The following CADM2 variants were observed in gnomAD, a reference collection of about 807,000 sequenced individuals.
The protein encoded by CADM2 is immunoglobulin superfamily member 4D.
Under a neutral mutation model 49.8 loss-of-function variants are expected in CADM2, and 12 were observed. The observed-to-expected ratio is 0.24, with a 90% CI of 0.15 to 0.39. CADM2 has a LOEUF of 0.39. Ranked by LOEUF, CADM2 falls within the 10% of genes least tolerant of loss-of-function variation. The pLI is 1.00. For missense variants in CADM2, 378 were observed against 492.3 expected, an observed-to-expected ratio of 0.77 and a Z score of 2.20; for synonymous variants, 214 against 175.4, an observed-to-expected ratio of 1.22 and a Z score of -1.74.
chr3:85,857,606 G>C (rs1465912624), intron 3 of CADM2, among the ~76,000 whole-genome samples: 2 of 152,086 alleles, frequency 1.3e-5, no homozygotes, highest in African/African-American at 2.4e-5. Context: ...GCCTCCCAAA[G>C]TGTTGGGTAA....
chr3:85,359,057 T>C (rs1370344005), intron 1 of CADM2, among the ~76,000 whole-genome samples: 1 of 152,148 alleles, frequency 6.6e-6, no homozygotes, highest in Non-Finnish European at 1.5e-5. Context: ...TCTTTCCACC[T>C]GGACATCTTC....
chr3:84,993,593 T>G (rs12632010), intron 1 of CADM2, among the ~76,000 whole-genome samples: 13,152 of 152,180 alleles, frequency 0.086, 757 homozygotes, highest in Admixed American at 0.19. Flanking sequence ...TCAAAAGGGT[T>G]TGTTTTTTCC....
chr3:85,519,532 A>G (rs374268094), intron 1 of CADM2, among the ~76,000 whole-genome samples: 14 of 152,240 alleles, frequency 9.2e-5, no homozygotes, highest in East Asian at 1.9e-4. Flanking sequence ...CTTACCCAAC[A>G]TATTCATTGT....
intron 8 of CADM2, among the ~76,000 whole-genome samples, chr3:86,042,214 T>G (rs376212343): frequency 6.5e-4 from 98 of 151,554 alleles, no homozygotes; most frequent in South Asian, 1.9e-3. Context: ...CAGAAGGCAA[T>G]AAATAACTAA....
rs4053296 is a variant in CADM2 at position 85,444,443 on chromosome 3, TCA to T, written c.62-282055_62-282054del. Among the ~76,000 whole-genome samples the T allele has an allele frequency of 1.9e-3, 277 of 147,898 alleles. 3 individuals carry two copies. Among genetic ancestry groups the T allele is most frequent in the East Asian group, 8.0e-4 (4 of 5,002 alleles). ...TGGCTTCTTGTCTTTTCCTACACAC[TCA>T]CACACACACACACACACACACACCC... On this transcript the variant is annotated intron_variant, in intron 1 of 9. Transcript: ENST00000383699.
intron 1 of CADM2, among the ~76,000 whole-genome samples, chr3:85,037,836 T>C (rs2107351336): frequency 6.6e-6 from 1 of 152,344 alleles, no homozygotes; most frequent in South Asian, 2.1e-4. Context: ...TCTTTCTTTT[T>C]AATTTCTGTG....
chr3:85,070,239 G>A (rs1476764757), intron 1 of CADM2, among the ~76,000 whole-genome samples: 1 of 151,970 alleles, frequency 6.6e-6, no homozygotes, highest in African/African-American at 2.4e-5. Context: ...GATTATGTGG[G>A]CTAAAATTAT....
intron 8 of CADM2, among the ~76,000 whole-genome samples, chr3:86,042,995 T>A (rs1259978640): frequency 6.6e-6 from 1 of 152,126 alleles, no homozygotes; most frequent in African/African-American, 2.4e-5. Flanking sequence ...ATTACCTCAA[T>A]AGATGCAGAA....
chr3:85,791,080 T>C (rs1264908040), intron 2 of CADM2, among the ~76,000 whole-genome samples: 3 of 152,212 alleles, frequency 2.0e-5, no homozygotes, highest in African/African-American at 7.2e-5. Flanking sequence ...TAAAATGATT[T>C]TTAAAAATGA....
At chr3:85,838,920 T>C (rs950344231) in intron 3 of CADM2, among the ~76,000 whole-genome samples, 10 of 151,868 alleles carry the variant, frequency 6.6e-5, no homozygotes, top group Non-Finnish European at 1.5e-4. Flanking sequence ...AGCCTCTTAC[T>C]GCAAATTCAC....
chr3:85,283,342 T>G (rs1400497482), intron 1 of CADM2, among the ~76,000 whole-genome samples: 1 of 151,738 alleles, frequency 6.6e-6, no homozygotes, highest in Non-Finnish European at 1.5e-5. Context: ...CCATAAATAT[T>G]ATTCTCATTA....
At chr3:85,109,872 A>G (rs1480436730) in intron 1 of CADM2, among the ~76,000 whole-genome samples, 1 of 151,976 alleles carries the variant, frequency 6.6e-6, no homozygotes, top group Non-Finnish European at 1.5e-5. Flanking sequence ...ACTATTGTTT[A>G]TAAAATACTA....
chr3:85,705,358 G>A (rs777836678), intron 1 of CADM2, among the ~76,000 whole-genome samples: 3 of 151,930 alleles, frequency 2.0e-5, no homozygotes, highest in Non-Finnish European at 2.9e-5. Context: ...TACTGTTACT[G>A]TCTTTCTCTT....
In CADM2 at chr3:86,072,712, G is replaced by A. The variant is rs1415887591; in HGVS notation, c.*5929G>A. ...ACTTTTCTCTTTATATTTACTGATAGTGAAAATCATACGCAATAAAATATT... is the reference window on the plus strand; with the variant it reads ...ACTTTTCTCTTTATATTTACTGATAATGAAAATCATACGCAATAAAATATT... On this transcript the variant is annotated 3_prime_UTR_variant, in exon 10 of 10. Transcript: ENST00000383699. 2 of 151,998 alleles carry A rather than the reference G, an allele frequency of 1.3e-5. No individual in the cohort carries two copies. The highest frequency in any genetic ancestry group is 4.8e-5 in the African/African-American group (2 of 41,408). The allele number at this position is 151,998 out of a possible 1,614,324, so 9.4% of individuals were successfully genotyped here.
At chr3:86,061,745 C>G (rs918395233) in intron 8 of CADM2, among the ~76,000 whole-genome samples, 1 of 151,948 alleles carries the variant, frequency 6.6e-6, no homozygotes, top group African/African-American at 2.4e-5. Context: ...TCTTTAAAGA[C>G]AGCTGTTAAA....
rs1174428983 is a variant in CADM2 at position 86,068,871 on chromosome 3, ATAATATGT to A, written c.*2095_*2102del. 2 of 152,408 alleles carry A rather than the reference ATAATATGT, an allele frequency of 1.3e-5. No homozygotes were observed. Among genetic ancestry groups the A allele is most frequent in the Admixed American group, 6.6e-5 (1 of 15,264 alleles). 9.4% of individuals were successfully genotyped at this position (152,408 alleles called of 1,614,324 possible). A position where few individuals can be genotyped will look rare whatever the true frequency, so the allele number is the denominator to read the frequency against. On this transcript the variant is annotated 3_prime_UTR_variant, in exon 10 of 10. Coordinates refer to ENST00000383699, the MANE Select transcript of CADM2 (RefSeq NM_001167675.2). ...TCCATACCATCTGTGGAAAAATGCA[ATAATATGT>A]TAATATAGTATGGTAGTTTGAGAGA...
At chr3:85,890,025 A>G (rs1014143002) in intron 5 of CADM2, among the ~76,000 whole-genome samples, 4 of 152,158 alleles carry the variant, frequency 2.6e-5, no homozygotes, top group Admixed American at 6.6e-5. Context: ...CCAAACAGTG[A>G]CAGAAGCAAG....
At chr3:85,421,297 A>T (rs1015516472) in intron 1 of CADM2, among the ~76,000 whole-genome samples, 1 of 152,174 alleles carries the variant, frequency 6.6e-6, no homozygotes, top group South Asian at 2.1e-4. Context: ...AGTGTTAAAA[A>T]TGATCATCAT....
intron 1 of CADM2, among the ~76,000 whole-genome samples, chr3:85,474,837 C>A (rs1270652824): frequency 1.3e-5 from 2 of 151,688 alleles, no homozygotes; most frequent in African/African-American, 4.8e-5. Context: ...AATGACAGAG[C>A]TTATATGTGC....
Sources: gnomAD v4.1 joint callset for allele counts (sites outside exome capture counted in the v4.1 genomes callset) on GRCh38, gnomAD v4.1.1 for gene constraint, MANE v1.5 for transcripts, NCBI Gene and HGNC (gene_info 2026-07-23, HGNC 2026-07-21) for gene names.